FAM185A: variants seen among roughly 807,000 people sequenced by gnomAD.
FAM185A encodes family with sequence similarity 185 member A.
In FAM185A, 21 loss-of-function variants were observed where a neutral mutation model predicts 45.7. That is an observed-to-expected ratio of 0.46 (90% CI 0.33 to 0.66). FAM185A has a LOEUF of 0.66. Ranked by LOEUF, FAM185A falls within the 30% of genes least tolerant of loss-of-function variation. FAM185A has a pLI of 0.03. For synonymous variants in FAM185A, 117 were observed against 194.0 expected (o/e 0.60, Z 3.30); for missense variants, 305 against 485.4 (o/e 0.63, Z 3.49).
chr7:102,759,677 C>T lies in FAM185A; in HGVS notation c.655-1596C>T, dbSNP rs562534547. Among the ~76,000 whole-genome samples the T allele has an allele frequency of 5.3e-5, 8 of 152,116 alleles. No homozygotes were observed. The South Asian group carries it at 8.3e-4, about 16-fold the overall frequency. ...CCATTCACTAAGCTCTATAACTGGA[C>T]AAATTACTTAACCTCTGTGTGTCTC... is the stretch of plus-strand genomic sequence containing the variant. On this transcript the variant is annotated intron_variant, in intron 3 of 7. Coordinates refer to ENST00000413034, the MANE Select transcript of FAM185A (RefSeq NM_001145268.2).
At chr7:102,842,515 C>T in the FAM185A span, among the ~76,000 whole-genome samples, 7 of 152,190 alleles carry the variant, frequency 4.6e-5, no homozygotes, top group Non-Finnish European at 8.8e-5. Flanking sequence ...GAATCTTGCA[C>T]AAACAACATT....
chr7:102,847,638 T>G, the FAM185A span, among the ~76,000 whole-genome samples: 1 of 152,204 alleles, frequency 6.6e-6, no homozygotes, highest in African/African-American at 2.4e-5. Context: ...GTGATTCTCC[T>G]GTCTCAGCCT....
At chr7:102,775,257 TGC>T (rs1794990105) in intron 5 of FAM185A, among the ~76,000 whole-genome samples, 1 of 152,218 alleles carries the variant, frequency 6.6e-6, no homozygotes, top group African/African-American at 2.4e-5. Flanking sequence ...ACAGTCACTG[TGC>T]TATACATTAG....
At chr7:102,815,741 C>T in the FAM185A span, among the ~76,000 whole-genome samples, 5 of 152,140 alleles carry the variant, frequency 3.3e-5, no homozygotes, top group East Asian at 1.9e-4. Flanking sequence ...ACAGTTTTGA[C>T]GGCTCTAGAT....
At chr7:102,761,538 T>C in intron 4 of FAM185A, 127 bp downstream of exon 4, 2 of 652,258 alleles carry the variant, frequency 3.1e-6, no homozygotes, top group Non-Finnish European at 4.5e-6. Context: ...ACTAACCATC[T>C]TTTTAAAAAA....
At chr7:102,842,035 C>T in the FAM185A span, among the ~76,000 whole-genome samples, 2 of 152,140 alleles carry the variant, frequency 1.3e-5, no homozygotes, top group Non-Finnish European at 2.9e-5. Context: ...CTGGAATCTC[C>T]ATCATAGACA....
chr7:102,808,314 G>T lies in FAM185A; in HGVS notation c.1091G>T (p.Arg364Leu), dbSNP rs979654271. 4 of 1,551,694 alleles carry T rather than the reference G, an allele frequency of 2.6e-6. No homozygotes were observed. The East Asian group carries it at 9.8e-5, about 38-fold the overall frequency. The change falls in exon 8 of 8, where the codon CGT (arginine) becomes CTT (leucine). Residue 364 changes from arginine to leucine, a missense_variant. Coordinates refer to ENST00000413034, the MANE Select transcript of FAM185A (RefSeq NM_001145268.2). ...GGACTCATGAATCAAGCAAGCAAAC[G>T]TGAAAAATGGATTAAGGCTGATGCC... ...VTGLMNQASK[R>L]EKWIKADAPK...
the FAM185A span, among the ~76,000 whole-genome samples, chr7:102,824,047 G>A: frequency 6.6e-6 from 1 of 152,318 alleles, no homozygotes; most frequent in African/African-American, 2.4e-5. Context: ...TAGCAGGTTT[G>A]GTTTGATACT....
At chr7:102,835,220 A>G in the FAM185A span, among the ~76,000 whole-genome samples, 2 of 152,118 alleles carry the variant, frequency 1.3e-5, no homozygotes, top group African/African-American at 4.8e-5. Flanking sequence ...CCTGTACTGC[A>G]TGAAAGTCTG....
the FAM185A span, among the ~76,000 whole-genome samples, chr7:102,841,455 G>C: frequency 1.3e-5 from 2 of 152,320 alleles, no homozygotes; most frequent in East Asian, 3.9e-4. Context: ...AGTTGTCTGA[G>C]AGTGGTTCTT....
intron 7 of FAM185A, among the ~76,000 whole-genome samples, chr7:102,794,185 T>C (rs1796313622): frequency 6.6e-6 from 1 of 152,170 alleles, no homozygotes; most frequent in Non-Finnish European, 1.5e-5. Flanking sequence ...CAGAGCATTA[T>C]GAGTTCTGTT....
the FAM185A span, chr7:102,832,778 C>G: frequency 6.3e-7 from 1 of 1,597,556 alleles, no homozygotes; most frequent in Non-Finnish European, 8.5e-7. Context: ...TGATCGCTGT[C>G]CTGCCTTGTC....
intron 7 of FAM185A, among the ~76,000 whole-genome samples, chr7:102,796,088 C>T (rs992443181): frequency 1.5e-4 from 22 of 151,528 alleles, no homozygotes; most frequent in Admixed American, 1.1e-3. Context: ...GAGAATCTGA[C>T]GATCTGAGTT....
At chr7:102,772,721 A>C (rs1223104833) in intron 5 of FAM185A, among the ~76,000 whole-genome samples, 2 of 151,998 alleles carry the variant, frequency 1.3e-5, no homozygotes, top group Admixed American at 1.3e-4. Flanking sequence ...AATTTCTTGA[A>C]TTCTTCAAAT....
the FAM185A span, among the ~76,000 whole-genome samples, chr7:102,829,178 T>G: frequency 0.014 from 2,135 of 152,332 alleles, 119 homozygotes; most frequent in East Asian, 0.16. Context: ...AGTTGAGATT[T>G]CATCCACCTT....
At position 102,769,489 on chromosome 7, in the gene FAM185A, A is replaced by C. The variant is rs533853088; in HGVS notation, c.794-2920A>C. ...TTATTAAAGACTAGTGTAAAACTAT[A>C]AAGCTCCATTGCCTTGATGAGTGGG... On this transcript the variant is annotated intron_variant, in intron 4 of 7. Coordinates refer to ENST00000413034, the MANE Select transcript of FAM185A (RefSeq NM_001145268.2). 2.0e-3 allele frequency among the ~76,000 whole-genome samples: 304 copies of C among 151,886 alleles called. 1 individual carries two copies. Among genetic ancestry groups the C allele is most frequent in the African/African-American group, 6.9e-3 (287 of 41,444 alleles).
the FAM185A span, among the ~76,000 whole-genome samples, chr7:102,849,035 T>C: frequency 6.6e-6 from 1 of 152,170 alleles, no homozygotes; most frequent in Non-Finnish European, 1.5e-5. Flanking sequence ...ATTGGATTTA[T>C]TCCATTGGTT....
At chr7:102,800,998 G>A (rs972246762) in intron 7 of FAM185A, among the ~76,000 whole-genome samples, 5 of 152,138 alleles carry the variant, frequency 3.3e-5, no homozygotes, top group Admixed American at 1.3e-4. Context: ...CCAGGTAACC[G>A]ATAAAGGAAA....
chr7:102,840,429 G>A, the FAM185A span, among the ~76,000 whole-genome samples: 1 of 152,188 alleles, frequency 6.6e-6, no homozygotes, highest in Non-Finnish European at 1.5e-5. Flanking sequence ...CTAGTCCAGG[G>A]TCCTCTGTGG....
Sources: gnomAD v4.1 joint callset for allele counts (sites outside exome capture counted in the v4.1 genomes callset) on GRCh38, gnomAD v4.1.1 for gene constraint, MANE v1.5 for transcripts, NCBI Gene and HGNC (gene_info 2026-07-23, HGNC 2026-07-21) for gene names.